Variants in ZFP92 observed in about 807,000 individuals in gnomAD.
ZFP92 encodes ZFP92 zinc finger protein.
In ZFP92, 2 loss-of-function variants were observed where a neutral mutation model predicts 7.6. The observed-to-expected ratio is 0.26, with a 90% CI of 0.11 to 0.83. The LOEUF is 0.83. ZFP92 is among the 40% of genes least tolerant of loss of function. ZFP92 has a pLI of 0.65. For missense variants in ZFP92, 324 were observed against 408.3 expected, an observed-to-expected ratio of 0.79 and a Z score of 1.78; for synonymous variants, 226 against 183.6, an observed-to-expected ratio of 1.23 and a Z score of -1.87.
intron 4 of ZFP92, 63 bp downstream of exon 4, chrX:153,418,862 T>C: frequency 8.9e-7 from 1 of 1,122,202 alleles, no homozygotes; most frequent in Non-Finnish European, 1.2e-6. Context: ...TGGGCTCAGT[T>C]TATTTCCGAG....
chrX:153,419,527 T>C (rs5986916), intron 4 of ZFP92, among the ~76,000 whole-genome samples: 53,761 of 111,440 alleles, frequency 0.48, 10,172 homozygotes, highest in African/African-American at 0.71. Context: ...AGAGTGGGAC[T>C]GGGCCTCTGG....
At chrX:153,417,738 G>T (rs1234774915) in intron 2 of ZFP92, among the ~76,000 whole-genome samples, 1 of 111,982 alleles carries the variant, frequency 8.9e-6, no homozygotes, top group African/African-American at 3.3e-5. Flanking sequence ...GGGTTTGAAT[G>T]GTGCCCCCCA....
chrX:153,414,782 C>T, intron 2 of ZFP92, among the ~76,000 whole-genome samples: 1 of 112,249 alleles, frequency 8.9e-6, no homozygotes, highest in East Asian at 2.8e-4. Context: ...TTAGCACTCA[C>T]TCCCCATCCC....
chrX:153,420,948 C>T lies in ZFP92; in HGVS notation c.571C>T (p.Arg191Cys). Residue 191 changes from arginine (R) to cysteine (C), a missense_variant, in exon 6 of 6, where the codon CGC becomes TGC. Arg to Cys is a radical substitution (Grantham distance 180). Transcript: ENST00000338647. Reference sequence around the variant, plus strand: ...CCCCGAGTGCGGCAAGCTGTTTCGCCGCAGCTTCGCGCTCCTGGAGCACCA... The same window carrying T: ...CCCCGAGTGCGGCAAGCTGTTTCGCTGCAGCTTCGCGCTCCTGGAGCACCA... The part of the protein sequence containing the change: ...ACPECGKLFR[R>C]SFALLEHQRI... 4.2e-6 allele frequency: 5 copies of T among 1,192,834 alleles called. No individual in the cohort carries two copies. Among genetic ancestry groups the T allele is most frequent in the South Asian group, 1.8e-5 (1 of 54,842 alleles).
intron 2 of ZFP92, among the ~76,000 whole-genome samples, chrX:153,417,526 C>A (rs2088962824): frequency 8.9e-6 from 1 of 112,041 alleles, no homozygotes; most frequent in Admixed American, 9.5e-5. Context: ...GAATCCCGAC[C>A]TGAGGGAAGG....
At position 153,420,889 on chromosome X, in the gene ZFP92, G is replaced by A. The variant is rs2088994058; in HGVS notation, c.512G>A (p.Arg171His). 1 of 1,187,169 alleles carries A rather than the reference G, an allele frequency of 8.4e-7. No individual in the cohort carries two copies. Residue 171 changes from arginine to histidine, a missense_variant, in exon 6 of 6, where the codon CGC (arginine) becomes CAC (histidine). Coordinates refer to ENST00000338647, the MANE Select transcript of ZFP92 (RefSeq NM_001136273.2). ...FSRSSNLIKHRIIHSGEKPYA... is the reference protein window; with the variant it reads ...FSRSSNLIKHHIIHSGEKPYA... ...CGCAGCTCCAACCTCATCAAGCACC[G>A]CATCATCCACAGTGGCGAGAAGCCT...
chrX:153,418,444 C>G, intron 3 of ZFP92, 89 bp downstream of exon 3: 2 of 1,085,498 alleles, frequency 1.8e-6, no homozygotes, highest in Non-Finnish European at 2.5e-6. Flanking sequence ...CTGGGCTGAG[C>G]TTAGGCTGCC....
chrX:153,414,717 C>T (rs1319906548), intron 2 of ZFP92, among the ~76,000 whole-genome samples: 2 of 112,011 alleles, frequency 1.8e-5, no homozygotes. Flanking sequence ...GCAGTCACCA[C>T]CTCTACCTGG....
At chrX:153,415,486 C>T (rs1039152485) in intron 2 of ZFP92, among the ~76,000 whole-genome samples, 1 of 111,709 alleles carries the variant, frequency 9.0e-6, no homozygotes, top group Non-Finnish European at 1.9e-5. Flanking sequence ...TGGTGTTGGT[C>T]CATCCATCCA....
rs781906229 is a variant in ZFP92 at position 153,421,433 on chromosome X, C to T, written c.1056C>T (p.Asp352=). Residue 352 remains aspartate, a synonymous_variant, in exon 6 of 6, where the codon GAC becomes GAT. Coordinates refer to ENST00000338647, the MANE Select transcript of ZFP92 (RefSeq NM_001136273.2). ...GTGAGAAGCCCTACGAGTGCAGCGA[C>T]TGCGGCAAGGCCTTCGGCCGGCGCG... ...HSGEKPYECS[D]CGKAFGRRAN... 2.3e-5 allele frequency: 27 copies of T among 1,152,980 alleles called. No homozygotes were observed. The highest frequency in any genetic ancestry group is 3.0e-5 in the Non-Finnish European group (26 of 870,937).
At chrX:153,418,388 C>T (rs782006809) in intron 3 of ZFP92, 33 bp downstream of exon 3, 109 of 1,161,413 alleles carry the variant, frequency 9.4e-5, no homozygotes, top group Admixed American at 5.5e-4. Context: ...GGCCTCTCCC[C>T]CTGGCAGCCC....
chrX:153,411,950 C>G lies in ZFP92; in HGVS notation c.-67-15C>G, dbSNP rs1303360419. Among the ~76,000 whole-genome samples, 1 of 112,797 alleles carries G rather than the reference C, an allele frequency of 8.9e-6. No homozygotes were observed. Among genetic ancestry groups the G allele is most frequent in the African/African-American group, 3.2e-5 (1 of 31,087 alleles). ...CGGCCCGTGTCTGTCAATTTCTCTCCTGATTGGTTTCCAGCCACCGGTCCC... is the reference window on the plus strand; with the variant it reads ...CGGCCCGTGTCTGTCAATTTCTCTCGTGATTGGTTTCCAGCCACCGGTCCC... On this transcript the variant is annotated splice_polypyrimidine_tract_variant and intron_variant, in intron 1 of 5. Transcript: ENST00000338647.
rs782607301 is a variant in ZFP92, at chrX:153,418,292, G to T, written c.-18-13G>T. On this transcript the variant is annotated splice_polypyrimidine_tract_variant and intron_variant, in intron 2 of 5. Coordinates refer to ENST00000338647, the MANE Select transcript of ZFP92 (RefSeq NM_001136273.2). ...GCCCTGGGCTCACAGGGGGCTCTTT[G>T]CATTTCCCTTAGCTCCTCTGCGCCC... The T allele has an allele frequency of 5.4e-5, 63 of 1,165,564 alleles. No individual in the cohort carries two copies. The highest frequency in any genetic ancestry group is 6.9e-5 in the Non-Finnish European group (60 of 872,443).
chrX:153,421,352 C>T lies in ZFP92; in HGVS notation c.975C>T (p.Cys325=). ...AGCGGCCCTTCGCGTGCCGCGAGTG[C>T]GGCAAGGCCTTCCGTGGCCGTTCGG... The part of the protein sequence containing the change: ...SGERPFACRE[C]GKAFRGRSGL... Residue 325 remains cysteine, a synonymous_variant, in exon 6 of 6, where the codon TGC becomes TGT. Coordinates refer to ENST00000338647, the MANE Select transcript of ZFP92 (RefSeq NM_001136273.2). 8.6e-7 allele frequency: 1 copy of T among 1,163,340 alleles called. No homozygotes were observed.
chrX:153,414,242 A>G (rs2088932772), intron 2 of ZFP92, among the ~76,000 whole-genome samples: 1 of 112,728 alleles, frequency 8.9e-6, no homozygotes, highest in South Asian at 3.7e-4. Flanking sequence ...CCAGTGACTG[A>G]CAGTGTGTTA....
chrX:153,421,691 G>T lies in ZFP92; in HGVS notation c.*63G>T, dbSNP rs1382874404. The T allele has an allele frequency of 1.1e-6, 1 of 918,992 alleles. No homozygotes were observed. Among genetic ancestry groups the T allele is most frequent in the Admixed American group, 6.3e-5 (1 of 15,912 alleles). The allele number at this position is 918,992 out of a possible 1,213,427, so 75.7% of individuals were successfully genotyped here. A position where few individuals can be genotyped will look rare whatever the true frequency, so the allele number is the denominator to read the frequency against. ...TGGGGGGCCTTCCTGGGGACGTCGA[G>T]GCTCAGCCCCCTTCAGGTGGGAAGA... On this transcript the variant is annotated 3_prime_UTR_variant, in exon 6 of 6. Coordinates refer to ENST00000338647, the MANE Select transcript of ZFP92 (RefSeq NM_001136273.2).
chrX:153,420,520 G>C, intron 5 of ZFP92, 123 bp from the exon 6 acceptor site: 1 of 1,013,154 alleles, frequency 9.9e-7, no homozygotes, highest in Non-Finnish European at 1.3e-6. Context: ...TCTCCTGTCT[G>C]CCTGTGTGAT....
intron 2 of ZFP92, among the ~76,000 whole-genome samples, chrX:153,416,467 T>G (rs782359366): frequency 4.5e-5 from 5 of 111,849 alleles, no homozygotes; most frequent in Middle Eastern, 4.6e-3. Flanking sequence ...TAAGGGACTT[T>G]GGAGCAATTT....
In ZFP92 at chrX:153,422,062, C is replaced by CGTGAGGCCA. The variant is rs2124301072; in HGVS notation, c.*445_*453dup. 1 of 114,628 alleles carries CGTGAGGCCA rather than the reference C, an allele frequency of 8.7e-6. No individual in the cohort carries two copies. Among genetic ancestry groups the CGTGAGGCCA allele is most frequent in the East Asian group, 2.8e-4 (1 of 3,616 alleles). 9.4% of individuals were successfully genotyped at this position (114,628 alleles called of 1,213,427 possible). On this transcript the variant is annotated 3_prime_UTR_variant, in exon 6 of 6. Transcript: ENST00000338647. Reference sequence around the variant, plus strand: ...CCTGCTGCGGGTAGGGAGGAGGCCACGTGAGGCCAGTGAGGCCAGCCAGCG... The same window carrying CGTGAGGCCA: ...CCTGCTGCGGGTAGGGAGGAGGCCACGTGAGGCCAGTGAGGCCAGTGAGGCCAGCCAGCG...
Sources: allele counts gnomAD v4.1 joint callset (sites outside exome capture counted in the v4.1 genomes callset), GRCh38; gene constraint gnomAD v4.1.1; transcripts MANE v1.5; gene names NCBI Gene and HGNC (gene_info 2026-07-23, HGNC 2026-07-21).